The following GPR158 variants were observed in gnomAD, a reference collection of about 807,000 sequenced individuals.
GPR158 encodes G protein-coupled receptor 158.
In GPR158, 30 loss-of-function variants were observed where a neutral mutation model predicts 78.2. That is an observed-to-expected ratio of 0.38 (90% CI 0.29 to 0.52). The LOEUF is 0.52. GPR158 is among the 20% of genes least tolerant of loss of function. The pLI is 0.83. For missense variants in GPR158, 1,463 were observed against 1,523.5 expected, an observed-to-expected ratio of 0.96 and a Z score of 0.66; for synonymous variants, 581 against 591.1, an observed-to-expected ratio of 0.98 and a Z score of 0.25.
intron 3 of GPR158, among the ~76,000 whole-genome samples, chr10:25,407,613 A>C (rs1834531809): frequency 6.6e-6 from 1 of 152,086 alleles, no homozygotes; most frequent in Non-Finnish European, 1.5e-5. Context: ...CTTCTTGGTT[A>C]ATGGTAACTT....
At chr10:25,311,516 T>C (rs1236812696) in intron 2 of GPR158, among the ~76,000 whole-genome samples, 1 of 152,042 alleles carries the variant, frequency 6.6e-6, no homozygotes, top group African/African-American at 2.4e-5. Context: ...ATGTTGAGTC[T>C]GGGTTTTGAT....
chr10:25,446,239 G>A (rs1467215034), intron 4 of GPR158, among the ~76,000 whole-genome samples: 1 of 152,054 alleles, frequency 6.6e-6, no homozygotes, highest in African/African-American at 2.4e-5. Flanking sequence ...TATTCTATTG[G>A]TATCAGAGAA....
chr10:25,531,369 TA>T (rs1321000177), intron 5 of GPR158, among the ~76,000 whole-genome samples: 1 of 152,184 alleles, frequency 6.6e-6, no homozygotes, highest in Admixed American at 6.5e-5. Context: ...TGATTATTGA[TA>T]ATGACCATGT....
chr10:25,528,929 G>A (rs1836387760), intron 5 of GPR158, among the ~76,000 whole-genome samples: 1 of 151,776 alleles, frequency 6.6e-6, no homozygotes, highest in African/African-American at 2.4e-5. Context: ...TAGATCAATG[G>A]GACAAAATAA....
At chr10:25,537,048 G>A (rs539908366) in intron 5 of GPR158, among the ~76,000 whole-genome samples, 1 of 152,296 alleles carries the variant, frequency 6.6e-6, no homozygotes, top group South Asian at 2.1e-4. Context: ...AACTCCACCT[G>A]TGTCTCAAGT....
chr10:25,290,768 A>G (rs925641889), intron 2 of GPR158, among the ~76,000 whole-genome samples: 2 of 152,116 alleles, frequency 1.3e-5, no homozygotes, highest in Admixed American at 6.5e-5. Flanking sequence ...CCTAAGTAGA[A>G]TAATTTGTTT....
Position 25,598,635 on chromosome 10 carries a change from T to G in GPR158, c.3009T>G (p.Ile1003Met). The G allele has an allele frequency of 6.2e-7, 1 of 1,613,920 alleles. No homozygotes were observed. The highest frequency in any genetic ancestry group is 8.5e-7 in the Non-Finnish European group (1 of 1,179,978). The change falls in exon 11 of 11, where the codon ATT (isoleucine) becomes ATG (methionine). Residue 1003 changes from isoleucine (I) to methionine (M), a missense_variant. By Grantham distance (10) the Ile-to-Met change is conservative. Coordinates refer to ENST00000376351, the MANE Select transcript of GPR158 (RefSeq NM_020752.3). ...CCCAGATGAAGGACAACTTTGACAT[T>G]GGGGAGGTGTGTCCTTGGGAGGTTT... is the stretch of plus-strand genomic sequence containing the variant. ...GTTQMKDNFDIGEVCPWEVYD... is the reference protein window; with the variant it reads ...GTTQMKDNFDMGEVCPWEVYD...
chr10:25,364,055 T>C (rs1409337935), intron 2 of GPR158, among the ~76,000 whole-genome samples: 3 of 151,936 alleles, frequency 2.0e-5, no homozygotes, highest in Non-Finnish European at 2.9e-5. Flanking sequence ...ATAAGCACCA[T>C]ATATGTAGTT....
chr10:25,424,233 G>T (rs943718547), intron 4 of GPR158, among the ~76,000 whole-genome samples: 1 of 152,044 alleles, frequency 6.6e-6, no homozygotes, highest in African/African-American at 2.4e-5. Flanking sequence ...GGGGTTGTTT[G>T]ATTTTTTCTT....
At chr10:25,480,009 T>C (rs1049647131) in intron 5 of GPR158, among the ~76,000 whole-genome samples, 3 of 152,094 alleles carry the variant, frequency 2.0e-5, no homozygotes, top group Non-Finnish European at 4.4e-5. Context: ...CTCTCCAATG[T>C]TTTTGTTTTA....
intron 1 of GPR158, among the ~76,000 whole-genome samples, chr10:25,199,559 T>C (rs1443561691): frequency 6.6e-6 from 1 of 152,134 alleles, no homozygotes; most frequent in African/African-American, 2.4e-5. Flanking sequence ...ATCTCCAGCG[T>C]CCAGGGAGGG....
intron 5 of GPR158, among the ~76,000 whole-genome samples, chr10:25,536,386 C>G (rs989665501): frequency 1.3e-5 from 2 of 152,122 alleles, no homozygotes; most frequent in African/African-American, 4.8e-5. Flanking sequence ...TTGCTCTAAA[C>G]CAGGCATATT....
chr10:25,294,656 T>A (rs1314229614), intron 2 of GPR158, among the ~76,000 whole-genome samples: 2 of 152,196 alleles, frequency 1.3e-5, no homozygotes, highest in African/African-American at 4.8e-5. Flanking sequence ...ATGATTTGGA[T>A]GTAATCATTT....
intron 5 of GPR158, among the ~76,000 whole-genome samples, chr10:25,528,373 A>G (rs1361770413): frequency 6.6e-6 from 1 of 152,034 alleles, no homozygotes; most frequent in Non-Finnish European, 1.5e-5. Flanking sequence ...GATGGGAAGC[A>G]CTAAAATATT....
chr10:25,311,567 C>T (rs1588791725), intron 2 of GPR158, among the ~76,000 whole-genome samples: 1 of 151,988 alleles, frequency 6.6e-6, no homozygotes, highest in African/African-American at 2.4e-5. Flanking sequence ...TCATCACAGA[C>T]GTTCTGTGAT....
At chr10:25,202,419 A>T (rs1253410001) in intron 1 of GPR158, among the ~76,000 whole-genome samples, 6 of 151,800 alleles carry the variant, frequency 4.0e-5, no homozygotes, top group Non-Finnish European at 7.4e-5. Flanking sequence ...CCACCCCACA[A>T]CAGGCCCTGG....
intron 3 of GPR158, among the ~76,000 whole-genome samples, chr10:25,400,345 G>A (rs757413056): frequency 5.9e-5 from 9 of 152,176 alleles, no homozygotes; most frequent in Non-Finnish European, 1.2e-4. Context: ...GAGCTAAGAC[G>A]TGGTGCTGAT....
At chr10:25,384,409 C>T (rs1027653913) in intron 2 of GPR158, among the ~76,000 whole-genome samples, 3 of 152,052 alleles carry the variant, frequency 2.0e-5, no homozygotes, top group Non-Finnish European at 2.9e-5. Context: ...TATTGTTCAG[C>T]GTAATGATTC....
chr10:25,583,775 T>G (rs1837233571), intron 7 of GPR158, among the ~76,000 whole-genome samples: 1 of 152,188 alleles, frequency 6.6e-6, no homozygotes, highest in Non-Finnish European at 1.5e-5. Flanking sequence ...ATTTATATAC[T>G]TATTTATGCT....
Sources: allele counts gnomAD v4.1 joint callset (sites outside exome capture counted in the v4.1 genomes callset), GRCh38; gene constraint gnomAD v4.1.1; transcripts MANE v1.5; gene names NCBI Gene and HGNC (gene_info 2026-07-23, HGNC 2026-07-21).